HCRTR2: variants seen among roughly 807,000 people sequenced by gnomAD.
HCRTR2 encodes orexin receptor type 2.
HCRTR2 carries 22 observed loss-of-function variants against 49.0 expected under a neutral mutation model. The ratio of observed to expected loss-of-function variants is 0.45; its 90% CI spans 0.32 to 0.64. The LOEUF is 0.64. Ranked by LOEUF, HCRTR2 falls within the 30% of genes least tolerant of loss-of-function variation. HCRTR2 has a pLI of 0.04. For synonymous variants in HCRTR2, 236 were observed against 205.3 expected, an observed-to-expected ratio of 1.15 and a Z score of -1.28; for missense variants, 491 against 559.4, an observed-to-expected ratio of 0.88 and a Z score of 1.23.
intron 3 of HCRTR2, among the ~76,000 whole-genome samples, chr6:55,256,096 C>A (rs1189309091): frequency 2.0e-5 from 3 of 152,046 alleles, no homozygotes; most frequent in Admixed American, 6.6e-5. Context: ...GAGAATACTG[C>A]TATCAACACC....
At chr6:55,280,776 T>C (rs1482404844) in intron 6 of HCRTR2, among the ~76,000 whole-genome samples, 1 of 152,224 alleles carries the variant, frequency 6.6e-6, no homozygotes, top group Non-Finnish European at 1.5e-5. Context: ...TGTTTTGCCT[T>C]GCTATATTAT....
intron 1 of HCRTR2, among the ~76,000 whole-genome samples, chr6:55,191,519 A>G (rs1765314904): frequency 1.3e-5 from 2 of 152,190 alleles, no homozygotes. Context: ...TTATAAATTT[A>G]AAGGTGTTTC....
rs532012596 is a variant in HCRTR2, at chr6:55,258,223, G to A, written c.646+2844G>A. Among the ~76,000 whole-genome samples the A allele has an allele frequency of 3.9e-5, 6 of 152,166 alleles. No individual in the cohort carries two copies. In the South Asian group the frequency reaches 6.2e-4, roughly 16 times the overall value. Reference sequence around the variant, plus strand: ...AACTATTGTAAAATATCTTCTATTTGAGATTAATTCATAATCTGTGTTTCT... The same window carrying A: ...AACTATTGTAAAATATCTTCTATTTAAGATTAATTCATAATCTGTGTTTCT... On this transcript the variant is annotated intron_variant, in intron 3 of 6. Coordinates refer to ENST00000370862, the MANE Select transcript of HCRTR2 (RefSeq NM_001384272.1).
intron 1 of HCRTR2, among the ~76,000 whole-genome samples, chr6:55,214,262 T>TG (rs1765747795): frequency 8.7e-6 from 1 of 114,324 alleles, no homozygotes. Context: ...TCTAGCTGGG[T>TG]TTTTTGGTGA....
chr6:55,153,449 T>C (rs62418286), intron 1 of HCRTR2, among the ~76,000 whole-genome samples: 3,274 of 152,152 alleles, frequency 0.022, 46 homozygotes, highest in African/African-American at 0.04. Context: ...GGTAATCATT[T>C]GTGTATCTAC....
chr6:55,152,393 GA>G (rs1354397049), intron 1 of HCRTR2, among the ~76,000 whole-genome samples: 2 of 151,694 alleles, frequency 1.3e-5, no homozygotes, highest in Non-Finnish European at 1.5e-5. Flanking sequence ...ATTATATATT[GA>G]GATCTTCTGT....
intron 1 of HCRTR2, 143 bp from the exon 2 acceptor site, chr6:55,248,496 G>C (rs1007036872): frequency 1.4e-5 from 10 of 707,488 alleles, no homozygotes; most frequent in African/African-American, 1.4e-4. Context: ...CAGATTGACA[G>C]ATTCAGTGAA....
intron 1 of HCRTR2, among the ~76,000 whole-genome samples, chr6:55,112,414 G>T (rs574748302): frequency 2.6e-5 from 4 of 151,752 alleles, no homozygotes; most frequent in Non-Finnish European, 4.4e-5. Context: ...CATCTTAAAA[G>T]CTGCTAGAGC....
chr6:55,185,584 C>T (rs955816501), intron 1 of HCRTR2, among the ~76,000 whole-genome samples: 8 of 152,192 alleles, frequency 5.3e-5, no homozygotes, highest in African/African-American at 1.9e-4. Flanking sequence ...ATTAATACAC[C>T]CTAATTTTTC....
chr6:55,170,734 T>TCCCCCCCCCCCC (rs11432290), upstream of HCRTR2, among the ~76,000 whole-genome samples: 1 of 107,270 alleles, frequency 9.3e-6, no homozygotes, highest in African/African-American at 3.7e-5. Context: ...CCCTCCCCCC[T>TCCCCCCCCCCCC]CCCCCACCCC....
intron 1 of HCRTR2, among the ~76,000 whole-genome samples, chr6:55,110,773 T>C (rs760089012): frequency 1.3e-5 from 2 of 151,814 alleles, no homozygotes; most frequent in Non-Finnish European, 2.9e-5. Flanking sequence ...CAGAAAACAA[T>C]AGTGGGAGAC....
At chr6:55,193,786 A>C (rs1215990915) in intron 1 of HCRTR2, among the ~76,000 whole-genome samples, 3 of 152,094 alleles carry the variant, frequency 2.0e-5, no homozygotes, top group Non-Finnish European at 2.9e-5. Flanking sequence ...AGCATCATTA[A>C]TTTTATCAAT....
rs958470503 is a variant in HCRTR2, at chr6:55,265,319, G to A, written c.762+1497G>A. On this transcript the variant is annotated intron_variant, in intron 4 of 6. Coordinates refer to ENST00000370862, the MANE Select transcript of HCRTR2 (RefSeq NM_001384272.1). ...TAGTACCTATTATTGTATCTGTCAG[G>A]TTTTGCTAGGTTATTATTCTTCTAT... Among the ~76,000 whole-genome samples, 9 of 151,918 alleles carry A rather than the reference G, an allele frequency of 5.9e-5. 1 individual carries two copies. In the South Asian group the frequency reaches 1.9e-3, roughly 32 times the overall value.
intron 3 of HCRTR2, among the ~76,000 whole-genome samples, chr6:55,263,471 T>G (rs1326953956): frequency 6.6e-6 from 1 of 152,108 alleles, no homozygotes; most frequent in African/African-American, 2.4e-5. Flanking sequence ...CTAATGCTTA[T>G]TTTTCTGAGT....
At chr6:55,214,855 A>G (rs980812793) in intron 1 of HCRTR2, among the ~76,000 whole-genome samples, 2 of 151,976 alleles carry the variant, frequency 1.3e-5, no homozygotes, top group Middle Eastern at 3.2e-3. Flanking sequence ...CAGAAGAAAG[A>G]ATCAGGGAAC....
chr6:55,242,590 A>G, intron 1 of HCRTR2, among the ~76,000 whole-genome samples: 1 of 152,226 alleles, frequency 6.6e-6, no homozygotes, highest in East Asian at 1.9e-4. Flanking sequence ...ATTATGTACC[A>G]TATCCAATCA....
In HCRTR2 at chr6:55,270,358, C is replaced by A. The variant is rs115476649; in HGVS notation, c.762+6536C>A. On this transcript the variant is annotated intron_variant, in intron 4 of 6. Coordinates refer to ENST00000370862, the MANE Select transcript of HCRTR2 (RefSeq NM_001384272.1). ...CTTCAATGAGTAGGCCACAGTTATA[C>A]AAGTTTCTTGAGTCAGTTTGGAACT... Among the ~76,000 whole-genome samples the A allele has an allele frequency of 6.1e-3, 922 of 152,292 alleles. 8 individuals carry two copies. The highest frequency in any genetic ancestry group is 0.021 in the African/African-American group (869 of 41,566).
chr6:55,248,303 C>T (rs927739533), intron 1 of HCRTR2, among the ~76,000 whole-genome samples: 10 of 151,978 alleles, frequency 6.6e-5, no homozygotes, highest in African/African-American at 1.7e-4. Context: ...ACTCAGCAAC[C>T]GTTTCTTGAG....
chr6:55,276,498 G>A (rs1767079202), intron 4 of HCRTR2, among the ~76,000 whole-genome samples: 1 of 152,112 alleles, frequency 6.6e-6, no homozygotes, highest in African/African-American at 2.4e-5. Flanking sequence ...ACAGAGCTAA[G>A]GTGGCCTTTT....
Sources: allele counts gnomAD v4.1 joint callset (sites outside exome capture counted in the v4.1 genomes callset), GRCh38; gene constraint gnomAD v4.1.1; transcripts MANE v1.5; gene names NCBI Gene and HGNC (gene_info 2026-07-23, HGNC 2026-07-21).